Variants in ADD1 observed in about 807,000 individuals in gnomAD.
ADD1 encodes the protein alpha-adducin.
In ADD1, 24 loss-of-function variants were observed where a neutral mutation model predicts 80.5. The ratio of observed to expected loss-of-function variants is 0.30; its 90% confidence interval spans 0.22 to 0.42. ADD1 has a LOEUF of 0.42. Among genes scored for constraint, ADD1 ranks in the 10% least tolerant of loss-of-function variants. ADD1 has a pLI of 1.00. For missense variants in ADD1, 948 were observed against 1,019.0 expected, an observed-to-expected ratio of 0.93 and a Z score of 0.95; for synonymous variants, 373 against 393.8, an observed-to-expected ratio of 0.95 and a Z score of 0.63.
chr4:2,853,364 C>T (rs892009773), intron 1 of ADD1, among the ~76,000 whole-genome samples: 4 of 152,156 alleles, frequency 2.6e-5, no homozygotes, highest in Non-Finnish European at 4.4e-5. Flanking sequence ...ACCTCAGCCT[C>T]CCAAAGTGCT....
chr4:2,865,514 A>G (rs555376057), intron 1 of ADD1, among the ~76,000 whole-genome samples: 148 of 152,356 alleles, frequency 9.7e-4, no homozygotes, highest in Non-Finnish European at 1.7e-3. Flanking sequence ...AGCCCTTGCT[A>G]TAATTTTCAA....
At chr4:2,885,836 T>C (rs1027625908) in intron 4 of ADD1, among the ~76,000 whole-genome samples, 1 of 152,044 alleles carries the variant, frequency 6.6e-6, no homozygotes, top group African/African-American at 2.4e-5. Context: ...GGTCTCGATC[T>C]CCTGACCTTG....
intron 1 of ADD1, among the ~76,000 whole-genome samples, chr4:2,871,129 C>A (rs899867149): frequency 6.6e-6 from 1 of 152,036 alleles, no homozygotes; most frequent in African/African-American, 2.4e-5. Context: ...CCACCACACC[C>A]GGCTAATTTT....
At chr4:2,858,408 A>T (rs762454290) in intron 1 of ADD1, among the ~76,000 whole-genome samples, 15 of 152,248 alleles carry the variant, frequency 9.9e-5, no homozygotes, top group Non-Finnish European at 1.9e-4. Context: ...ATAGACAGAG[A>T]TGAAGAAATG....
rs187252514 is a variant in ADD1 at position 2,845,138 on chromosome 4, T to C, written c.-21+1114T>C. 1.1e-3 allele frequency among the ~76,000 whole-genome samples: 166 copies of C among 152,086 alleles called. 1 individual carries two copies. The highest frequency in any genetic ancestry group is 3.6e-3 in the Admixed American group (55 of 15,292). On this transcript the variant is annotated intron_variant, in intron 1 of 15. Coordinates refer to ENST00000683351, the MANE Select transcript of ADD1 (RefSeq NM_001354761.2). Reference sequence around the variant, plus strand: ...GCCAGGCTGGAGTACAGTGGCGCGATCTCCAGTCACTGCAATCTCCGCCTC... The same window carrying C: ...GCCAGGCTGGAGTACAGTGGCGCGACCTCCAGTCACTGCAATCTCCGCCTC...
intron 1 of ADD1, among the ~76,000 whole-genome samples, chr4:2,874,287 A>G (rs967225118): frequency 5.9e-5 from 9 of 152,046 alleles, no homozygotes; most frequent in South Asian, 4.2e-4. Flanking sequence ...TAGTCCCCCA[A>G]TTGTTTTCAT....
chr4:2,902,422 A>G (rs923851814), intron 9 of ADD1: 2 of 152,312 alleles, frequency 1.3e-5, no homozygotes, highest in African/African-American at 4.8e-5. Context: ...AAACAACTCC[A>G]TTCATGATTG....
intron 1 of ADD1, among the ~76,000 whole-genome samples, chr4:2,857,391 G>A (rs1010823091): frequency 1.3e-5 from 2 of 152,086 alleles, no homozygotes; most frequent in Admixed American, 6.5e-5. Context: ...TTAGAGGATC[G>A]CTTGAGCCCA....
Position 2,846,914 on chromosome 4 carries a change from G to A in ADD1, c.-21+2890G>A, listed in dbSNP as rs1577397538. ...GGGCGGATCATGAGGTCAGGAGATCGAGACCATCCTGGCTAACATGGTGAA... is the reference window on the plus strand; with the variant it reads ...GGGCGGATCATGAGGTCAGGAGATCAAGACCATCCTGGCTAACATGGTGAA... On this transcript the variant is annotated intron_variant, in intron 1 of 15. Coordinates refer to ENST00000683351, the MANE Select transcript of ADD1 (RefSeq NM_001354761.2). 5.9e-5 allele frequency among the ~76,000 whole-genome samples: 9 copies of A among 151,564 alleles called. 3 individuals are homozygous for A.
rs1265476999 is a variant in ADD1 at position 2,852,266 on chromosome 4, C to T, written c.-21+8242C>T. On this transcript the variant is annotated intron_variant, in intron 1 of 15. Coordinates refer to ENST00000683351, the MANE Select transcript of ADD1 (RefSeq NM_001354761.2). The stretch of plus-strand genomic sequence containing the variant: ...TTCTTTCTCTTTCTTTCTTTCCTTC[C>T]TTCCTTCCTTCCTTCTTTTCTTTTC... Among the ~76,000 whole-genome samples, 569 of 88,822 alleles carry T rather than the reference C, an allele frequency of 6.4e-3. 10 individuals carry two copies. Among genetic ancestry groups the T allele is most frequent in the Non-Finnish European group, 8.7e-3 (360 of 41,306 alleles). The allele number at this position is 88,822 out of a possible 152,430, so 58.3% of individuals were successfully genotyped here.
intron 1 of ADD1, among the ~76,000 whole-genome samples, chr4:2,873,284 A>G (rs1730744597): frequency 6.6e-6 from 1 of 152,202 alleles, no homozygotes; most frequent in African/African-American, 2.4e-5. Flanking sequence ...GTGCCACTGT[A>G]CCCAGCAAAT....
Position 2,909,371 on chromosome 4 carries a change from C to T in ADD1, c.1731C>T (p.Ile577=), listed in dbSNP as rs1354065831. 4 of 1,550,412 alleles carry T rather than the reference C, an allele frequency of 2.6e-6. No individual in the cohort carries two copies. The highest frequency in any genetic ancestry group is 4.9e-5 in the East Asian group (2 of 40,908). Reference sequence around the variant, plus strand: ...CTCTCTCTGACTGTACGGAAACTATCGAAGGGCTCGAGCTTACAGAGCAGA... The same window carrying T: ...CTCTCTCTGACTGTACGGAAACTATTGAAGGGCTCGAGCTTACAGAGCAGA... The part of the protein sequence containing the change: ...DAPLSDCTET[I]EGLELTEQTF... Residue 577 remains isoleucine, a synonymous_variant, in exon 13 of 16, where the codon ATC becomes ATT. Transcript: ENST00000683351.
At chr4:2,883,445 G>C (rs11935492) in intron 3 of ADD1, among the ~76,000 whole-genome samples, 1 of 151,876 alleles carries the variant, frequency 6.6e-6, no homozygotes, top group Non-Finnish European at 1.5e-5. Flanking sequence ...TTTGTGAAAT[G>C]CTTCTTTTCT....
chr4:2,871,068 A>G (rs561517452), intron 1 of ADD1, among the ~76,000 whole-genome samples: 610 of 150,828 alleles, frequency 4.0e-3, no homozygotes, highest in Non-Finnish European at 7.5e-3. Flanking sequence ...TGCCGGGTTC[A>G]TGCCATTCTC....
chr4:2,844,560 C>G (rs1395286884), intron 1 of ADD1: 1 of 152,258 alleles, frequency 6.6e-6, no homozygotes, highest in African/African-American at 2.4e-5. Context: ...TTTGCCCTCC[C>G]TCTCTTTTCT....
In ADD1 at chr4:2,884,546, T is replaced by C; in HGVS notation, c.390T>C (p.Leu130=). ...GTATGGTGACTCCTGTGAACGATCT[T>C]AGAGGATCTGATTCTATTGCGTATG... is the stretch of plus-strand genomic sequence containing the variant. The part of the protein sequence containing the change: ...SLGMVTPVND[L]RGSDSIAYDK... Residue 130 remains leucine (L), a synonymous_variant, in exon 4 of 16, where the codon CTT becomes CTC. Coordinates refer to ENST00000683351, the MANE Select transcript of ADD1 (RefSeq NM_001354761.2). 6.2e-7 allele frequency: 1 copy of C among 1,612,488 alleles called. No individual in the cohort carries two copies. Among genetic ancestry groups the C allele is most frequent in the Non-Finnish European group, 8.5e-7 (1 of 1,178,992 alleles).
chr4:2,920,655 T>C (rs1021934085), intron 14 of ADD1, among the ~76,000 whole-genome samples: 122 of 84,134 alleles, frequency 1.5e-3, no homozygotes, highest in Admixed American at 6.1e-3. Context: ...TTGCAACTCC[T>C]GCTTTTTTTT....
intron 14 of ADD1, among the ~76,000 whole-genome samples, chr4:2,921,802 A>T (rs188444505): frequency 6.6e-6 from 1 of 151,904 alleles, no homozygotes; most frequent in African/African-American, 2.4e-5. Context: ...CTTTTCACAT[A>T]GTCCCATATT....
intron 1 of ADD1, among the ~76,000 whole-genome samples, chr4:2,860,511 G>C (rs1010290566): frequency 6.6e-6 from 1 of 152,160 alleles, no homozygotes; most frequent in African/African-American, 2.4e-5. Context: ...TTAGTCATAT[G>C]CCTCTAGAAA....
Sources: gnomAD v4.1 joint callset for allele counts (sites outside exome capture counted in the v4.1 genomes callset) on GRCh38, gnomAD v4.1.1 for gene constraint, MANE v1.5 for transcripts, NCBI Gene and HGNC (gene_info 2026-07-23, HGNC 2026-07-21) for gene names.